Variants in XYLT1 observed in about 807,000 individuals in gnomAD.
The protein encoded by XYLT1 is xylosyltransferase 1.
A neutral mutation model predicts 91.3 loss-of-function variants in XYLT1; 36 were observed. That is an observed-to-expected ratio of 0.39 (90% CI 0.30 to 0.52). The LOEUF is 0.52. Among genes scored for constraint, XYLT1 ranks in the 20% least tolerant of loss-of-function variants. The pLI is 0.68. For synonymous variants in XYLT1, 588 were observed against 532.0 expected, an observed-to-expected ratio of 1.11 and a Z score of -1.45; for missense variants, 1,242 against 1,284.5, an observed-to-expected ratio of 0.97 and a Z score of 0.51.
intron 2 of XYLT1, among the ~76,000 whole-genome samples, chr16:17,285,313 G>A (rs1450111641): frequency 2.0e-5 from 3 of 152,212 alleles, no homozygotes; most frequent in African/African-American, 4.8e-5. Flanking sequence ...GAATTCAAAT[G>A]AGTCTGGTAA....
At chr16:17,280,466 TA>T (rs1287782423) in intron 2 of XYLT1, among the ~76,000 whole-genome samples, 1 of 152,224 alleles carries the variant, frequency 6.6e-6, no homozygotes, top group Non-Finnish European at 1.5e-5. Flanking sequence ...GTGTCAGATA[TA>T]AAAAATTCCA....
intron 3 of XYLT1, among the ~76,000 whole-genome samples, chr16:17,211,450 A>G (rs764357241): frequency 6.6e-6 from 1 of 152,202 alleles, no homozygotes; most frequent in Non-Finnish European, 1.5e-5. Context: ...TCCCTGCTAG[A>G]GAGACAGAAG....
At chr16:17,148,755 T>C (rs1444754494) in intron 6 of XYLT1, among the ~76,000 whole-genome samples, 2 of 152,178 alleles carry the variant, frequency 1.3e-5, no homozygotes, top group African/African-American at 4.8e-5. Flanking sequence ...ATGCCCTGAT[T>C]CACCATAGTC....
chr16:17,277,956 G>C (rs953671026), intron 2 of XYLT1, among the ~76,000 whole-genome samples: 1 of 152,160 alleles, frequency 6.6e-6, no homozygotes, highest in Non-Finnish European at 1.5e-5. Context: ...GGAAGTGAGA[G>C]GAGCAACCAG....
At chr16:17,347,084 C>T (rs923606264) in intron 2 of XYLT1, among the ~76,000 whole-genome samples, 1 of 152,208 alleles carries the variant, frequency 6.6e-6, no homozygotes, top group Non-Finnish European at 1.5e-5. Flanking sequence ...AGCAGCTACG[C>T]GCTGGCCCTC....
intron 3 of XYLT1, among the ~76,000 whole-genome samples, chr16:17,235,527 C>T (rs2033233897): frequency 6.6e-6 from 1 of 152,132 alleles, no homozygotes; most frequent in Non-Finnish European, 1.5e-5. Flanking sequence ...CGTCTCAATG[C>T]CTCTCAGTAT....
intron 2 of XYLT1, among the ~76,000 whole-genome samples, chr16:17,261,225 G>A (rs1222498040): frequency 7.6e-6 from 1 of 132,160 alleles, no homozygotes; most frequent in Non-Finnish European, 1.6e-5. Context: ...CCTGGGGGGA[G>A]AGTGAAACTG....
At chr16:17,248,404 C>A (rs540937573) in intron 3 of XYLT1, among the ~76,000 whole-genome samples, 5 of 152,220 alleles carry the variant, frequency 3.3e-5, no homozygotes, top group Non-Finnish European at 7.3e-5. Flanking sequence ...AGGTCTCTGG[C>A]AATTTCAGTT....
chr16:17,152,661 G>C (rs1448223670), intron 6 of XYLT1, among the ~76,000 whole-genome samples: 2 of 152,330 alleles, frequency 1.3e-5, no homozygotes, highest in East Asian at 3.9e-4. Flanking sequence ...CTGATGATTA[G>C]TTCAATGTCA....
At position 17,393,273 on chromosome 16, in the gene XYLT1, A is replaced by G. The variant is rs150392076; in HGVS notation, c.364-35223T>C. Among the ~76,000 whole-genome samples the G allele has an allele frequency of 4.0e-3, 605 of 152,326 alleles. 1 individual carries two copies. Among genetic ancestry groups the G allele is most frequent in the Middle Eastern group, 0.031 (9 of 294 alleles). Reference sequence around the variant, plus strand: ...GGTGGATCTGAAGGTGATGGTGTGTATTTTACATGACGGCATACCTCAATG... The same window carrying G: ...GGTGGATCTGAAGGTGATGGTGTGTGTTTTACATGACGGCATACCTCAATG... On this transcript the variant is annotated intron_variant, in intron 1 of 11. Transcript: ENST00000261381.
At position 17,450,231 on chromosome 16, in the gene XYLT1, A is replaced by G. The variant is rs183148227; in HGVS notation, c.363+20203T>C. ...CAGGCGCCTGTAATCCCAGCTACTC[A>G]GGAGGCTGAGGCAGGAGAATCGCTT... is the stretch of plus-strand genomic sequence containing the variant. On this transcript the variant is annotated intron_variant, in intron 1 of 11. Coordinates refer to ENST00000261381, the MANE Select transcript of XYLT1 (RefSeq NM_022166.4). 2.5e-3 allele frequency among the ~76,000 whole-genome samples: 376 copies of G among 152,100 alleles called. 2 individuals carry two copies. The highest frequency in any genetic ancestry group is 8.7e-3 in the African/African-American group (361 of 41,520).
At chr16:17,377,905 G>T (rs900129736) in intron 1 of XYLT1, among the ~76,000 whole-genome samples, 1 of 152,184 alleles carries the variant, frequency 6.6e-6, no homozygotes, top group Non-Finnish European at 1.5e-5. Flanking sequence ...GAGCAGCAAA[G>T]AACCTGGAGC....
At chr16:17,258,959 C>T (rs117382759) in intron 3 of XYLT1, 29 bp downstream of exon 3, 1 of 1,485,306 alleles carries the variant, frequency 6.7e-7, no homozygotes, top group Non-Finnish European at 9.0e-7. Context: ...CAGGAGATCC[C>T]TCTCTGAGCC....
intron 2 of XYLT1, among the ~76,000 whole-genome samples, chr16:17,331,607 G>C (rs2034900265): frequency 6.6e-6 from 1 of 152,136 alleles, no homozygotes; most frequent in Non-Finnish European, 1.5e-5. Context: ...TAAATGTGTG[G>C]TGGGTCTGTA....
At chr16:17,374,218 G>C (rs2035569052) in intron 1 of XYLT1, among the ~76,000 whole-genome samples, 1 of 152,206 alleles carries the variant, frequency 6.6e-6, no homozygotes, top group Non-Finnish European at 1.5e-5. Context: ...ACAAAGAAAG[G>C]AAGTCTGAAT....
chr16:17,198,284 C>T lies in XYLT1; in HGVS notation c.1217G>A (p.Arg406Gln), dbSNP rs1457612277. The change falls in exon 5 of 12, where the codon CGG becomes CAG. Residue 406 changes from arginine to glutamine, a missense_variant. Physicochemically the swap from Arg to Gln is conservative, Grantham distance 43 (BLOSUM62 1). Coordinates refer to ENST00000261381, the MANE Select transcript of XYLT1 (RefSeq NM_022166.4). ...SLLSTYLQSM[R>Q]DLLEMTDWPW... ...CCAGTCGGTCATCTCCAGGAGGTCC[C>T]GCATGCTCTGCAGGTAGGTGGACAG... 13 of 1,614,056 alleles carry T rather than the reference C, an allele frequency of 8.1e-6. No individual in the cohort carries two copies. Among genetic ancestry groups the T allele is most frequent in the East Asian group, 6.7e-5 (3 of 44,892 alleles).
chr16:17,164,078 A>G lies in XYLT1; in HGVS notation c.1290-5169T>C, dbSNP rs116638880. Among the ~76,000 whole-genome samples the G allele has an allele frequency of 2.0e-3, 283 of 143,950 alleles. 1 individual carries two copies. Among genetic ancestry groups the G allele is most frequent in the African/African-American group, 6.8e-3 (265 of 38,948 alleles). 94.4% of individuals were successfully genotyped at this position (143,950 alleles called of 152,430 possible). A position where few individuals can be genotyped will look rare whatever the true frequency, so the allele number is the denominator to read the frequency against. On this transcript the variant is annotated intron_variant, in intron 5 of 11. Coordinates refer to ENST00000261381, the MANE Select transcript of XYLT1 (RefSeq NM_022166.4). ...AAAAAAAAAAAAAAAAAGAAAGACTATGCTGGTGCATGAGGGACTGTGAAG... is the reference window on the plus strand; with the variant it reads ...AAAAAAAAAAAAAAAAAGAAAGACTGTGCTGGTGCATGAGGGACTGTGAAG...
chr16:17,258,906 G>C, intron 3 of XYLT1, 82 bp downstream of exon 3: 1 of 1,417,368 alleles, frequency 7.1e-7, no homozygotes, highest in Non-Finnish European at 9.2e-7. Context: ...CAGAAGGTCT[G>C]AGAAGGTGAG....
chr16:17,271,290 A>G (rs1276735344), intron 2 of XYLT1, among the ~76,000 whole-genome samples: 1 of 152,188 alleles, frequency 6.6e-6, no homozygotes, highest in Non-Finnish European at 1.5e-5. Context: ...CAATACCCAA[A>G]GATCCAGAGA....
Sources: allele counts gnomAD v4.1 joint callset (sites outside exome capture counted in the v4.1 genomes callset), GRCh38; gene constraint gnomAD v4.1.1; transcripts MANE v1.5; gene names NCBI Gene and HGNC (gene_info 2026-07-23, HGNC 2026-07-21).